ZFPM2: variants seen among roughly 807,000 people sequenced by gnomAD.
ZFPM2 encodes the protein zinc finger protein, FOG family member 2, also known as zinc finger protein ZFPM2.
ZFPM2 carries 20 observed loss-of-function variants against 98.6 expected under a neutral mutation model. That is an observed-to-expected ratio of 0.20 (90% confidence interval 0.14 to 0.29). The LOEUF (loss-of-function observed/expected upper bound fraction) is 0.29. Ranked by LOEUF, ZFPM2 falls within the 10% of genes least tolerant of loss-of-function variation. ZFPM2 has a pLI of 1.00. For missense variants in ZFPM2, 1,310 were observed against 1,388.6 expected, an observed-to-expected ratio of 0.94 and a Z score of 0.90; for synonymous variants, 518 against 502.7, an observed-to-expected ratio of 1.03 and a Z score of -0.41.
At chr8:105,401,700 C>G (rs1586346110) in intron 1 of ZFPM2, among the ~76,000 whole-genome samples, 1 of 152,092 alleles carries the variant, frequency 6.6e-6, no homozygotes, top group East Asian at 1.9e-4. Flanking sequence ...TATTTGAACC[C>G]CAAACTATCA....
At chr8:105,329,817 G>A (rs1326752174) in intron 1 of ZFPM2, among the ~76,000 whole-genome samples, 1 of 151,728 alleles carries the variant, frequency 6.6e-6, no homozygotes, top group Non-Finnish European at 1.5e-5. Flanking sequence ...TCCATAGTTA[G>A]TGAATGATTG....
intron 5 of ZFPM2, among the ~76,000 whole-genome samples, chr8:105,712,340 A>G (rs986678938): frequency 3.3e-5 from 5 of 152,108 alleles, no homozygotes; most frequent in African/African-American, 1.2e-4. Flanking sequence ...TATAATTTAG[A>G]TTTTGAAAGA....
At chr8:105,779,778 G>T (rs933776553) in intron 5 of ZFPM2, among the ~76,000 whole-genome samples, 6 of 152,144 alleles carry the variant, frequency 3.9e-5, no homozygotes, top group African/African-American at 1.2e-4. Flanking sequence ...GCATGACATT[G>T]TGCAGAGACT....
chr8:105,712,543 A>G (rs28718805), intron 5 of ZFPM2, among the ~76,000 whole-genome samples: 17,283 of 151,750 alleles, frequency 0.11, 1,569 homozygotes, highest in African/African-American at 0.25. Flanking sequence ...ACTACAAGCC[A>G]TTTTTTTTGT....
At position 105,381,113 on chromosome 8, in the gene ZFPM2, T is replaced by G. The variant is rs569934042; in HGVS notation, c.41-38031T>G. ...CTCAACAGGCCCTGGTGTGTGATAT[T>G]CCCCTCCCTATGTCCATGTGTTTTC... On this transcript the variant is annotated intron_variant, in intron 1 of 7. Transcript: ENST00000407775. Among the ~76,000 whole-genome samples the G allele has an allele frequency of 2.0e-5, 3 of 146,822 alleles. No homozygotes were observed. The East Asian group carries it at 6.1e-4, about 30-fold the overall frequency.
At chr8:105,589,459 G>A (rs1586483098) in intron 4 of ZFPM2, among the ~76,000 whole-genome samples, 1 of 152,234 alleles carries the variant, frequency 6.6e-6, no homozygotes, top group Admixed American at 6.5e-5. Flanking sequence ...CTCAAAAAAC[G>A]AACTTAAGAG....
intron 1 of ZFPM2, among the ~76,000 whole-genome samples, chr8:105,329,103 T>A (rs183795333): frequency 6.6e-6 from 1 of 152,038 alleles, no homozygotes; most frequent in Admixed American, 6.6e-5. Flanking sequence ...GATGATAAGA[T>A]GAGCACAACA....
intron 5 of ZFPM2, among the ~76,000 whole-genome samples, chr8:105,693,882 TTTA>T (rs1421653801): frequency 2.6e-5 from 4 of 152,072 alleles, no homozygotes; most frequent in South Asian, 4.1e-4. Flanking sequence ...CTTCAAACAT[TTTA>T]TTATTTGTGT....
chr8:105,683,490 T>C (rs1487528732), intron 5 of ZFPM2, among the ~76,000 whole-genome samples: 2 of 152,166 alleles, frequency 1.3e-5, no homozygotes, highest in African/African-American at 4.8e-5. Flanking sequence ...ATTTCTGTGG[T>C]CTTTTTCTAT....
intron 3 of ZFPM2, among the ~76,000 whole-genome samples, chr8:105,526,696 A>G (rs1489044663): frequency 6.6e-6 from 1 of 152,154 alleles, no homozygotes; most frequent in Non-Finnish European, 1.5e-5. Context: ...CGAAATCTGT[A>G]TTTGGGGGTA....
chr8:105,381,440 C>T (rs764366359), intron 1 of ZFPM2, among the ~76,000 whole-genome samples: 6 of 151,982 alleles, frequency 3.9e-5, no homozygotes, highest in Non-Finnish European at 4.4e-5. Flanking sequence ...GAGTAAGATA[C>T]CCAAACTAGA....
chr8:105,370,083 C>G (rs1810588639), intron 1 of ZFPM2, among the ~76,000 whole-genome samples: 1 of 151,956 alleles, frequency 6.6e-6, no homozygotes, highest in Non-Finnish European at 1.5e-5. Context: ...GGTCCAGGGT[C>G]TCAGTCCACC....
At chr8:105,794,525 A>T (rs1813729589) in intron 6 of ZFPM2, among the ~76,000 whole-genome samples, 1 of 152,198 alleles carries the variant, frequency 6.6e-6, no homozygotes, top group African/African-American at 2.4e-5. Flanking sequence ...CTCAGGGGTC[A>T]GGGGTCAGGG....
rs184693827 is a variant in ZFPM2 at position 105,598,824 on chromosome 8, C to T, written c.421-35422C>T. On this transcript the variant is annotated intron_variant, in intron 4 of 7. Coordinates refer to ENST00000407775, the MANE Select transcript of ZFPM2 (RefSeq NM_012082.4). ...CTAGAGCCTTCTTACTTCTAGCAAC[C>T]AATTACTACATACAAAAAAAACTTT... is the stretch of plus-strand genomic sequence containing the variant. Among the ~76,000 whole-genome samples, 106 of 152,126 alleles carry T rather than the reference C, an allele frequency of 7.0e-4. 1 individual carries two copies. The East Asian group carries it at 0.019, about 28-fold the overall frequency.
At chr8:105,577,017 A>G (rs1815482453) in intron 4 of ZFPM2, among the ~76,000 whole-genome samples, 1 of 152,082 alleles carries the variant, frequency 6.6e-6, no homozygotes, top group African/African-American at 2.4e-5. Flanking sequence ...CTTATTTCAT[A>G]ACTATTCTAA....
At chr8:105,595,719 T>A (rs181352355) in intron 4 of ZFPM2, among the ~76,000 whole-genome samples, 2 of 152,236 alleles carry the variant, frequency 1.3e-5, no homozygotes, top group Admixed American at 1.3e-4. Flanking sequence ...CTTTATTCAA[T>A]GGTACTAGAA....
At chr8:105,450,118 GGTATCT>G (rs1485544930) in intron 3 of ZFPM2, among the ~76,000 whole-genome samples, 1 of 152,000 alleles carries the variant, frequency 6.6e-6, no homozygotes, top group African/African-American at 2.4e-5. Flanking sequence ...AATTGGTCAA[GGTATCT>G]GTAAATAAGT....
At position 105,595,549 on chromosome 8, in the gene ZFPM2, A is replaced by G. The variant is rs566609567; in HGVS notation, c.420+34068A>G. Among the ~76,000 whole-genome samples the G allele has an allele frequency of 1.1e-4, 16 of 152,272 alleles. No homozygotes were observed. In the East Asian group the frequency reaches 2.1e-3, roughly 20 times the overall value. ...CTCAGAAAATAAATTGGGACTGCCA[A>G]TTCCAGGCAGAAGTAATAATATATA... is the stretch of plus-strand genomic sequence containing the variant. On this transcript the variant is annotated intron_variant, in intron 4 of 7. Coordinates refer to ENST00000407775, the MANE Select transcript of ZFPM2 (RefSeq NM_012082.4).
At chr8:105,735,124 T>G (rs148222562) in intron 5 of ZFPM2, among the ~76,000 whole-genome samples, 200 of 147,992 alleles carry the variant, frequency 1.4e-3, no homozygotes, top group Middle Eastern at 3.6e-3. Flanking sequence ...TATATATATA[T>G]AATGTATCTA....
Sources: gnomAD v4.1 joint callset for allele counts (sites outside exome capture counted in the v4.1 genomes callset) on GRCh38, gnomAD v4.1.1 for gene constraint, MANE v1.5 for transcripts, NCBI Gene and HGNC (gene_info 2026-07-23, HGNC 2026-07-21) for gene names.